Variants in ZNF354C observed in about 807,000 individuals in gnomAD.
The protein encoded by ZNF354C is KRAB-zinc finger protein synten.
A neutral mutation model predicts 12.4 loss-of-function variants in ZNF354C; 7 were observed. That is an observed-to-expected ratio of 0.56 (90% CI 0.32 to 1.06). The LOEUF (loss-of-function observed/expected upper bound fraction) is 1.06, where lower values mean the gene tolerates loss of function less well. Ranked by LOEUF, ZNF354C falls within the 50% of genes least tolerant of loss-of-function variation. ZNF354C has a pLI of 0.04. For synonymous variants in ZNF354C, 202 were observed against 224.5 expected (o/e 0.90, Z 0.90); for missense variants, 609 against 658.0 (o/e 0.93, Z 0.81).
Position 179,078,726 on chromosome 5 carries a change from G to A in ZNF354C, c.294G>A (p.Gln98=), listed in dbSNP as rs779269855. The A allele has an allele frequency of 1.2e-6, 2 of 1,611,598 alleles. No homozygotes were observed. Among genetic ancestry groups the A allele is most frequent in the African/African-American group, 2.7e-5 (2 of 74,790 alleles). ...AAACAGAAGCATTGCCTCATAGACA[G>A]GACATTTTTATAGAAGAAACATCTC... ...WLETEALPHR[Q]DIFIEETSQG... The change falls in exon 5 of 5, where the codon CAG becomes CAA. Residue 98 remains glutamine, a synonymous_variant. Coordinates refer to ENST00000315475, the MANE Select transcript of ZNF354C (RefSeq NM_014594.3).
At chr5:179,061,344 C>T (rs1649203866) in intron 1 of ZNF354C, among the ~76,000 whole-genome samples, 1 of 152,152 alleles carries the variant, frequency 6.6e-6, no homozygotes, top group African/African-American at 2.4e-5. Flanking sequence ...GCAGCGACGG[C>T]TGTTTCTGGT....
intron 4 of ZNF354C, among the ~76,000 whole-genome samples, chr5:179,078,200 A>AAAAG (rs775876294): frequency 1.4e-4 from 22 of 152,360 alleles, no homozygotes; most frequent in East Asian, 1.2e-3. Context: ...CCAAATATTT[A>AAAAG]AAAGATTATC....
At chr5:179,073,368 G>A (rs1382854916) in intron 2 of ZNF354C, among the ~76,000 whole-genome samples, 1 of 152,182 alleles carries the variant, frequency 6.6e-6, no homozygotes, top group African/African-American at 2.4e-5. Context: ...ATTAGAAATG[G>A]TAGCTATCTG....
chr5:179,071,516 G>C (rs1016656348), intron 2 of ZNF354C, among the ~76,000 whole-genome samples: 3 of 152,032 alleles, frequency 2.0e-5, no homozygotes, highest in Non-Finnish European at 4.4e-5. Context: ...GAAACCTTAA[G>C]GTACTGGAGA....
At chr5:179,070,837 C>T (rs1048133482) in intron 2 of ZNF354C, among the ~76,000 whole-genome samples, 53 of 130,598 alleles carry the variant, frequency 4.1e-4, no homozygotes, top group African/African-American at 1.4e-3. Context: ...CAGCCTTGAT[C>T]GCTCTTTTTT....
chr5:179,079,583 A>G lies in ZNF354C; in HGVS notation c.1151A>G (p.Tyr384Cys). 1 of 1,614,168 alleles carries G rather than the reference A, an allele frequency of 6.2e-7. No individual in the cohort carries two copies. Among genetic ancestry groups the G allele is most frequent in the Non-Finnish European group, 8.5e-7 (1 of 1,180,036 alleles). The stretch of plus-strand genomic sequence containing the variant: ...AGGTTTCATACTGGAGAACAACTGT[A>G]TACATGCTTGGAATGTGGGAGAACC... Reference protein sequence around the residue: ...HQRFHTGEQLYTCLECGRTFT... With the variant: ...HQRFHTGEQLCTCLECGRTFT... Residue 384 changes from tyrosine to cysteine, a missense_variant, in exon 5 of 5, where the codon TAT (tyrosine) becomes TGT (cysteine). Coordinates refer to ENST00000315475, the MANE Select transcript of ZNF354C (RefSeq NM_014594.3). The surrounding 1 kb of genome is among the most constrained non-coding windows in gnomAD (Gnocchi z 4.2).
At position 179,077,183 on chromosome 5, in the gene ZNF354C, G is replaced by T; in HGVS notation, c.250+17G>T. 6.2e-7 allele frequency: 1 copy of T among 1,605,098 alleles called. No homozygotes were observed. Among genetic ancestry groups the T allele is most frequent in the Non-Finnish European group, 8.5e-7 (1 of 1,171,774 alleles). ...CCCGTCTAGGTAAGTGAGAGGCTGG[G>T]AAATGGGCACAAGGGGTTCTTTATA... On this transcript the variant is annotated intron_variant, in intron 4 of 4. Coordinates refer to ENST00000315475, the MANE Select transcript of ZNF354C (RefSeq NM_014594.3).
intron 2 of ZNF354C, among the ~76,000 whole-genome samples, chr5:179,070,841 C>CTTTGTTTTTT (rs1762037034): frequency 1.3e-5 from 1 of 75,438 alleles, no homozygotes; most frequent in African/African-American, 5.7e-5. Flanking sequence ...CTTGATCGCT[C>CTTTGTTTTTT]TTTTTTTTTT....
At chr5:179,066,445 T>A (rs1175528809) in intron 2 of ZNF354C, among the ~76,000 whole-genome samples, 1 of 152,268 alleles carries the variant, frequency 6.6e-6, no homozygotes, top group African/African-American at 2.4e-5. Flanking sequence ...TTCTCTATCT[T>A]CCCTCCTGTC....
Position 179,078,896 on chromosome 5 carries a change from G to T in ZNF354C, c.464G>T (p.Ser155Ile). ...ATAGATTCGCATGAGAAAACCATCA[G>T]TGAAGATGGAAACCATACAAGTCTT... ...QMIDSHEKTI[S>I]EDGNHTSLEL... is the part of the protein sequence containing the mutation. Residue 155 changes from serine to isoleucine, a missense_variant, in exon 5 of 5, where the codon AGT becomes ATT. Transcript: ENST00000315475. The T allele has an allele frequency of 6.2e-7, 1 of 1,614,134 alleles. No individual in the cohort carries two copies. Among genetic ancestry groups the T allele is most frequent in the Non-Finnish European group, 8.5e-7 (1 of 1,180,008 alleles).
At chr5:179,070,841 CTTTTTTTTTTTTTTTT>C (rs766817856) in intron 2 of ZNF354C, among the ~76,000 whole-genome samples, 1 of 75,438 alleles carries the variant, frequency 1.3e-5, no homozygotes, top group African/African-American at 5.7e-5. Context: ...CTTGATCGCT[CTTTTTTTTTTTTTTTT>C]TTTTTTTTTG....
chr5:179,063,084 C>T (rs1761915562), intron 2 of ZNF354C, among the ~76,000 whole-genome samples: 1 of 152,188 alleles, frequency 6.6e-6, no homozygotes, highest in African/African-American at 2.4e-5. Flanking sequence ...GCCTATTCTT[C>T]ATTGACTCCT....
intron 2 of ZNF354C, among the ~76,000 whole-genome samples, chr5:179,064,450 T>C (rs1761934446): frequency 6.6e-6 from 1 of 151,670 alleles, no homozygotes; most frequent in Non-Finnish European, 1.5e-5. Flanking sequence ...AGAGTCTTGC[T>C]CAGTCGCCCA....
chr5:179,075,087 G>A (rs528370333), intron 2 of ZNF354C, among the ~76,000 whole-genome samples: 24 of 151,628 alleles, frequency 1.6e-4, no homozygotes, highest in Admixed American at 3.3e-4. Flanking sequence ...GTGAAACCCC[G>A]TCTCTACAAA....
Position 179,082,925 on chromosome 5 carries a change from A to T in ZNF354C, c.*2828A>T, listed in dbSNP as rs961779839. On this transcript the variant is annotated 3_prime_UTR_variant, in exon 5 of 5. Coordinates refer to ENST00000315475, the MANE Select transcript of ZNF354C (RefSeq NM_014594.3). The stretch of plus-strand genomic sequence containing the variant: ...GAAGAATCACGGAGAACTCCACCTC[A>T]TCTCCTGCCTGGAGCTCAAGGCCAT... The T allele has an allele frequency of 1.4e-5, 13 of 933,282 alleles. No individual in the cohort carries two copies. The highest frequency in any genetic ancestry group is 1.3e-5 in the South Asian group (1 of 74,478). The allele number at this position is 933,282 out of a possible 1,614,324, so 57.8% of individuals were successfully genotyped here.
chr5:179,072,468 C>T (rs1762064228), intron 2 of ZNF354C, among the ~76,000 whole-genome samples: 1 of 151,940 alleles, frequency 6.6e-6, no homozygotes, highest in South Asian at 2.1e-4. Context: ...AATTAGAGTT[C>T]TAGAAGGAGA....
At position 179,080,394 on chromosome 5, in the gene ZNF354C, A is replaced by G. The variant is rs1762211195; in HGVS notation, c.*297A>G. ...TGAATATACATTTTGTTTCTCTCAT[A>G]AGACCATATTCCCTTTAAAAGAGTA... On this transcript the variant is annotated 3_prime_UTR_variant, in exon 5 of 5. Coordinates refer to ENST00000315475, the MANE Select transcript of ZNF354C (RefSeq NM_014594.3). The G allele has an allele frequency of 1.6e-5, 3 of 183,676 alleles. No individual in the cohort carries two copies. In the East Asian group the frequency reaches 4.3e-4, roughly 27 times the overall value. The allele number at this position is 183,676 out of a possible 1,614,324, so 11.4% of individuals were successfully genotyped here. A position where few individuals can be genotyped will look rare whatever the true frequency, so the allele number is the denominator to read the frequency against.
In ZNF354C at chr5:179,082,609, A is replaced by T; in HGVS notation, c.*2512A>T. The stretch of plus-strand genomic sequence containing the variant: ...GAGGGATGAAGAGGGAGATATTCAG[A>T]AACCTTCACCAGATTCCTCCCAACT... On this transcript the variant is annotated 3_prime_UTR_variant, in exon 5 of 5. Transcript: ENST00000315475. The T allele has an allele frequency of 1.6e-6, 2 of 1,243,554 alleles. No homozygotes were observed. Among genetic ancestry groups the T allele is most frequent in the Non-Finnish European group, 2.4e-6 (2 of 845,866 alleles). 77.0% of individuals were successfully genotyped at this position (1,243,554 alleles called of 1,614,324 possible). A position where few individuals can be genotyped will look rare whatever the true frequency, so the allele number is the denominator to read the frequency against.
chr5:179,068,164 GT>G (rs1761984213), intron 2 of ZNF354C, among the ~76,000 whole-genome samples: 2 of 87,926 alleles, frequency 2.3e-5, no homozygotes, highest in South Asian at 4.4e-4. Context: ...GACCCTGTCT[GT>G]TTAAAAAAAA....
Sources: gnomAD v4.1 joint callset for allele counts (sites outside exome capture counted in the v4.1 genomes callset) on GRCh38, gnomAD v4.1.1 for gene constraint, Gnocchi (gnomAD v3.1) non-coding constraint, MANE v1.5 for transcripts, NCBI Gene and HGNC (gene_info 2026-07-23, HGNC 2026-07-21) for gene names.